CGNL1: variants seen among roughly 807,000 people sequenced by gnomAD.
CGNL1 encodes cingulin like 1, also known as cingulin-like protein 1.
Under a neutral mutation model 141.2 loss-of-function variants are expected in CGNL1, and 132 were observed. That is an observed-to-expected ratio of 0.93 (90% confidence interval 0.81 to 1.08). CGNL1 has a LOEUF of 1.08. Among genes scored for constraint, CGNL1 ranks in the 50% least tolerant of loss-of-function variants. The pLI is 0.00. For synonymous variants in CGNL1, 690 were observed against 622.1 expected, an observed-to-expected ratio of 1.11 and a Z score of -1.63; for missense variants, 1,870 against 1,588.6, an observed-to-expected ratio of 1.18 and a Z score of -3.01.
At chr15:57,468,407 G>C (rs1205503753) in intron 8 of CGNL1, among the ~76,000 whole-genome samples, 1 of 151,562 alleles carries the variant, frequency 6.6e-6, no homozygotes, top group African/African-American at 2.4e-5. Context: ...CACCTGGCTA[G>C]TTTTTGTAAA....
intron 1 of CGNL1, among the ~76,000 whole-genome samples, chr15:57,383,613 TTTC>T (rs1273013204): frequency 8.4e-6 from 1 of 119,424 alleles, no homozygotes; most frequent in Admixed American, 8.0e-5. Context: ...TTTCTTTTCT[TTTC>T]TTTTCTTTTC....
At position 57,461,862 on chromosome 15, in the gene CGNL1, C is replaced by T. The variant is rs1241935317; in HGVS notation, c.2373C>T (p.Ala791=). The change falls in exon 8 of 19, where the codon GCC becomes GCT. Residue 791 remains alanine (A), a synonymous_variant. Coordinates refer to ENST00000281282, the MANE Select transcript of CGNL1 (RefSeq NM_032866.5). ...AGCAATATGATGCTGAGTTGCAGGC[C>T]CTGAGGGAGAGTGTGGAAGAAGCAA... ...LKEQYDAELQ[A]LRESVEEATK... 2 of 1,613,628 alleles carry T rather than the reference C, an allele frequency of 1.2e-6. No individual in the cohort carries two copies. Among genetic ancestry groups the T allele is most frequent in the Non-Finnish European group, 1.7e-6 (2 of 1,179,936 alleles).
intron 8 of CGNL1, among the ~76,000 whole-genome samples, chr15:57,470,364 G>A (rs2063566788): frequency 6.8e-6 from 1 of 146,750 alleles, no homozygotes; most frequent in East Asian, 2.0e-4. Context: ...CTAGAGTGGT[G>A]TCCTGGGATG....
intron 8 of CGNL1, among the ~76,000 whole-genome samples, chr15:57,511,923 G>A (rs1327308390): frequency 6.6e-6 from 1 of 152,176 alleles, no homozygotes; most frequent in Non-Finnish European, 1.5e-5. Flanking sequence ...TGTGCTTTTT[G>A]GTTTTATTTA....
intron 1 of CGNL1, among the ~76,000 whole-genome samples, chr15:57,435,282 T>C (rs2063092145): frequency 6.6e-6 from 1 of 152,090 alleles, no homozygotes; most frequent in South Asian, 2.1e-4. Flanking sequence ...GTTAGCCAAG[T>C]GAGAGACTTG....
At position 57,434,590 on chromosome 15, in the gene CGNL1, T is replaced by C. The variant is rs576391196; in HGVS notation, c.-15-3395T>C. On this transcript the variant is annotated intron_variant, in intron 1 of 18. Coordinates refer to ENST00000281282, the MANE Select transcript of CGNL1 (RefSeq NM_032866.5). ...AAACCCACCCCTGGGTATGCCATTA[T>C]GAAATTTCAGAATACCAGTGATAAA... Among the ~76,000 whole-genome samples, 14 of 152,260 alleles carry C rather than the reference T, an allele frequency of 9.2e-5. No homozygotes were observed. The South Asian group carries it at 1.7e-3, about 18-fold the overall frequency.
intron 4 of CGNL1, among the ~76,000 whole-genome samples, chr15:57,444,646 T>C (rs539687360): frequency 4.6e-4 from 70 of 152,248 alleles, no homozygotes; most frequent in African/African-American, 1.7e-3. Flanking sequence ...CAAGAGATCA[T>C]AGAATTATTT....
chr15:57,440,788 C>T (rs1211403414), intron 3 of CGNL1, among the ~76,000 whole-genome samples: 1 of 152,180 alleles, frequency 6.6e-6, no homozygotes, highest in East Asian at 1.9e-4. Context: ...GAATGGAGTC[C>T]GCCATCACCT....
chr15:57,529,589 C>T (rs2031837662), intron 13 of CGNL1, among the ~76,000 whole-genome samples: 2 of 151,014 alleles, frequency 1.3e-5, no homozygotes, highest in Admixed American at 6.6e-5. Flanking sequence ...CACACACACA[C>T]ACACACACAC....
At chr15:57,466,456 G>C (rs949449988) in intron 8 of CGNL1, among the ~76,000 whole-genome samples, 1 of 152,156 alleles carries the variant, frequency 6.6e-6, no homozygotes, top group African/African-American at 2.4e-5. Flanking sequence ...GTTTCTTGAA[G>C]TTTCTCAGAA....
intron 13 of CGNL1, among the ~76,000 whole-genome samples, chr15:57,531,210 G>C (rs1190278831): frequency 6.6e-6 from 1 of 152,210 alleles, no homozygotes; most frequent in Non-Finnish European, 1.5e-5. Flanking sequence ...AGTGCATCGT[G>C]CAAATGCATG....
intron 4 of CGNL1, among the ~76,000 whole-genome samples, chr15:57,445,794 GT>G (rs2063243508): frequency 6.6e-6 from 1 of 152,004 alleles, no homozygotes; most frequent in Non-Finnish European, 1.5e-5. Flanking sequence ...GCTATTTGTA[GT>G]TTTCTAACCA....
intron 8 of CGNL1, among the ~76,000 whole-genome samples, chr15:57,506,772 A>C (rs1284335505): frequency 6.6e-6 from 1 of 152,224 alleles, no homozygotes; most frequent in African/African-American, 2.4e-5. Flanking sequence ...CTGAGGTCTT[A>C]CTATGTGTCT....
intron 8 of CGNL1, among the ~76,000 whole-genome samples, chr15:57,515,946 C>T (rs1250988024): frequency 1.3e-5 from 2 of 151,930 alleles, no homozygotes; most frequent in Non-Finnish European, 2.9e-5. Flanking sequence ...ATGATGAGCT[C>T]AGGAGATCGA....
At chr15:57,545,456 A>G in intron 16 of CGNL1, 136 bp from the exon 17 acceptor site, 1 of 651,592 alleles carries the variant, frequency 1.5e-6, no homozygotes, top group East Asian at 2.8e-5. Flanking sequence ...TCTGCTGTGA[A>G]GTTGTGTTTC....
rs1172462403 is a variant in CGNL1 at position 57,438,975 on chromosome 15, G to A, written c.976G>A (p.Val326Ile). 6 of 1,614,080 alleles carry A rather than the reference G, an allele frequency of 3.7e-6. No homozygotes were observed. The highest frequency in any genetic ancestry group is 1.3e-5 in the African/African-American group (1 of 74,922). The change falls in exon 2 of 19, where the codon GTC becomes ATC. Residue 326 changes from valine (V) to isoleucine (I), a missense_variant. Transcript: ENST00000281282. ...DQECAIHADN[V>I]NRHENRRYIP... ...GGAATGTGCCATCCATGCCGACAAC[G>A]TCAATCGTCATGAAAACAGAAGGTA...
At position 57,523,568 on chromosome 15, in the gene CGNL1, TAAG is replaced by T; in HGVS notation, c.2799_2801del (p.Arg934del). 1 of 1,614,128 alleles carries T rather than the reference TAAG, an allele frequency of 6.2e-7. No homozygotes were observed. The highest frequency in any genetic ancestry group is 1.1e-5 in the South Asian group (1 of 91,062). ...GAGGAGAGTGAGCAGAAGGAGCAGC[TAAG>T]AAGGTTGAAGAACGAGATGGAGAAT... is the stretch of plus-strand genomic sequence containing the variant. On this transcript the variant is annotated inframe_deletion, in exon 11 of 19. Coordinates refer to ENST00000281282, the MANE Select transcript of CGNL1 (RefSeq NM_032866.5).
intron 8 of CGNL1, among the ~76,000 whole-genome samples, chr15:57,489,375 T>A (rs994601646): frequency 4.6e-5 from 7 of 152,228 alleles, no homozygotes; most frequent in African/African-American, 1.7e-4. Context: ...TATGTGATTC[T>A]GGTAATTCTG....
chr15:57,446,574 A>C (rs1423468719), intron 4 of CGNL1, among the ~76,000 whole-genome samples: 2 of 151,204 alleles, frequency 1.3e-5, no homozygotes, highest in African/African-American at 4.9e-5. Context: ...ATTGAAATGT[A>C]GTTTTCTGTT....
Sources: gnomAD v4.1 joint callset for allele counts (sites outside exome capture counted in the v4.1 genomes callset) on GRCh38, gnomAD v4.1.1 for gene constraint, MANE v1.5 for transcripts, NCBI Gene and HGNC (gene_info 2026-07-23, HGNC 2026-07-21) for gene names.